Variants in PLXNA4 observed in about 807,000 individuals in gnomAD.
The protein encoded by PLXNA4 is plexin A4, also known as plexin-A4.
Under a neutral mutation model 191.8 loss-of-function variants are expected in PLXNA4, and 44 were observed. The ratio of observed to expected loss-of-function variants is 0.23; its 90% CI spans 0.18 to 0.29. The LOEUF is 0.29. Among genes scored for constraint, PLXNA4 ranks in the 10% least tolerant of loss-of-function variants. The pLI is 1.00. For synonymous variants in PLXNA4, 1,082 were observed against 1,009.5 expected, an observed-to-expected ratio of 1.07 and a Z score of -1.36; for missense variants, 1,800 against 2,488.8, an observed-to-expected ratio of 0.72 and a Z score of 5.89.
chr7:132,523,734 C>T (rs1340761005), intron 1 of PLXNA4, among the ~76,000 whole-genome samples: 4 of 152,082 alleles, frequency 2.6e-5, no homozygotes, highest in African/African-American at 4.8e-5. Flanking sequence ...TGTCAGAAAG[C>T]GAGACTGGTT....
intron 4 of PLXNA4, among the ~76,000 whole-genome samples, chr7:132,270,502 A>T (rs1009170399): frequency 6.6e-6 from 1 of 152,242 alleles, no homozygotes; most frequent in Non-Finnish European, 1.5e-5. Flanking sequence ...CTTAAAATTT[A>T]GATAGACTTG....
At chr7:132,330,449 C>G (rs1484267994) in intron 3 of PLXNA4, among the ~76,000 whole-genome samples, 2 of 152,188 alleles carry the variant, frequency 1.3e-5, no homozygotes, top group African/African-American at 4.8e-5. Flanking sequence ...GGGACAGAAA[C>G]AGAGAAAGGG....
At chr7:132,496,560 C>T (rs749652598) in intron 2 of PLXNA4, among the ~76,000 whole-genome samples, 4 of 152,110 alleles carry the variant, frequency 2.6e-5, no homozygotes, top group African/African-American at 4.8e-5. Context: ...TGCCACTACA[C>T]CCAGCTAATT....
chr7:132,574,979 A>C (rs952004014), intron 1 of PLXNA4, among the ~76,000 whole-genome samples: 1 of 152,222 alleles, frequency 6.6e-6, no homozygotes, highest in Non-Finnish European at 1.5e-5. Context: ...CTCTGAACAC[A>C]TGATCTTGGA....
intron 2 of PLXNA4, among the ~76,000 whole-genome samples, chr7:132,506,679 G>T (rs997578103): frequency 2.0e-5 from 3 of 152,164 alleles, no homozygotes; most frequent in Non-Finnish European, 4.4e-5. Flanking sequence ...ACAGGCAGGA[G>T]TCTGTGTCCC....
At chr7:132,432,562 C>T (rs1039940577) in intron 3 of PLXNA4, among the ~76,000 whole-genome samples, 3 of 152,018 alleles carry the variant, frequency 2.0e-5, no homozygotes, top group South Asian at 2.1e-4. Context: ...CCTTCACTAA[C>T]GTGAGGGAGA....
intron 3 of PLXNA4, among the ~76,000 whole-genome samples, chr7:132,316,662 A>C (rs548230079): frequency 2.1e-4 from 32 of 152,320 alleles, no homozygotes; most frequent in Middle Eastern, 6.8e-3. Context: ...GCAGATGAAG[A>C]ACTAAAGCCT....
chr7:132,597,859 C>CTATATA (rs1554476079), intron 2 of PLXNA4, among the ~76,000 whole-genome samples: 48,578 of 145,116 alleles, frequency 0.33, 9,290 homozygotes, highest in East Asian at 0.52. Flanking sequence ...CTCTCTCTCT[C>CTATATA]TATATATATA....
At chr7:132,192,494 A>C (rs940154948) in intron 14 of PLXNA4, among the ~76,000 whole-genome samples, 6 of 150,858 alleles carry the variant, frequency 4.0e-5, no homozygotes, top group Non-Finnish European at 5.9e-5. Flanking sequence ...GAAAGGAAGC[A>C]AGGAAGGAAG....
At chr7:132,501,304 G>A (rs1337897745) in intron 2 of PLXNA4, among the ~76,000 whole-genome samples, 1 of 152,178 alleles carries the variant, frequency 6.6e-6, no homozygotes, top group Non-Finnish European at 1.5e-5. Context: ...AGAAAGAATG[G>A]GTGTGTGCAC....
At chr7:132,557,549 T>TA (rs113064440) in intron 1 of PLXNA4, among the ~76,000 whole-genome samples, 64,117 of 148,064 alleles carry the variant, frequency 0.43, 14,668 homozygotes, top group South Asian at 0.62. Flanking sequence ...ATCTTTTTTT[T>TA]AAAAAAAAAA....
At chr7:132,455,941 G>T (rs971275415) in intron 3 of PLXNA4, among the ~76,000 whole-genome samples, 1 of 152,216 alleles carries the variant, frequency 6.6e-6, no homozygotes, top group Non-Finnish European at 1.5e-5. Flanking sequence ...GAATGCAGGT[G>T]AGGCCAGCCT....
chr7:132,229,227 C>T (rs1798440325), intron 5 of PLXNA4, among the ~76,000 whole-genome samples: 1 of 152,198 alleles, frequency 6.6e-6, no homozygotes, highest in African/African-American at 2.4e-5. Context: ...GATCAGAATC[C>T]TGGCTCTAAG....
intron 21 of PLXNA4, among the ~76,000 whole-genome samples, chr7:132,173,741 T>C (rs1289943201): frequency 6.6e-6 from 1 of 152,248 alleles, no homozygotes; most frequent in East Asian, 1.9e-4. Flanking sequence ...GGTCTGTTTT[T>C]ATTTTATGGA....
chr7:132,148,479 C>A, intron 26 of PLXNA4, 64 bp downstream of exon 26: 2 of 1,601,736 alleles, frequency 1.2e-6, no homozygotes, highest in South Asian at 2.3e-5. Flanking sequence ...TATTCCAGGG[C>A]AATGATTTCC....
chr7:132,462,037 C>T (rs1460873754), intron 3 of PLXNA4, among the ~76,000 whole-genome samples: 5 of 151,932 alleles, frequency 3.3e-5, no homozygotes, highest in Admixed American at 6.6e-5. Flanking sequence ...ATAGTAGAAA[C>T]GTCAAAAACA....
intron 3 of PLXNA4, among the ~76,000 whole-genome samples, chr7:132,464,740 G>T (rs1796636623): frequency 6.6e-6 from 1 of 152,190 alleles, no homozygotes; most frequent in South Asian, 2.1e-4. Flanking sequence ...ATTACCAGGA[G>T]TTAGTCCCTC....
At chr7:132,464,320 T>C (rs113656045) in intron 3 of PLXNA4, among the ~76,000 whole-genome samples, 1,859 of 152,292 alleles carry the variant, frequency 0.012, 18 homozygotes, top group Middle Eastern at 0.034. Flanking sequence ...ATTGTCTTAC[T>C]TCTCTTCTGT....
At chr7:132,483,170 G>T (rs1487769949) in intron 3 of PLXNA4, among the ~76,000 whole-genome samples, 1 of 152,184 alleles carries the variant, frequency 6.6e-6, no homozygotes, top group Non-Finnish European at 1.5e-5. Context: ...CATGGGCTGT[G>T]AATTGGTCCA....
Sources: allele counts gnomAD v4.1 joint callset (sites outside exome capture counted in the v4.1 genomes callset), GRCh38; gene constraint gnomAD v4.1.1; transcripts MANE v1.5; gene names NCBI Gene and HGNC (gene_info 2026-07-23, HGNC 2026-07-21).